PCDHGB2: variants seen among roughly 807,000 people sequenced by gnomAD.
PCDHGB2 encodes the protein protocadherin gamma subfamily B, 2, also known as protocadherin gamma-B2.
A neutral mutation model predicts 59.3 loss-of-function variants in PCDHGB2; 55 were observed. The ratio of observed to expected loss-of-function variants is 0.93; its 90% CI spans 0.75 to 1.16. The LOEUF is 1.16. PCDHGB2 is among the 50% of genes most tolerant of loss of function. PCDHGB2 has a pLI of 0.00. For missense variants in PCDHGB2, 1,228 were observed against 1,198.5 expected (o/e 1.02, Z -0.36); for synonymous variants, 516 against 512.0 (o/e 1.01, Z -0.11).
intron 1 of PCDHGB2, chr5:141,364,524 G>A (rs773568307): frequency 3.1e-6 from 5 of 1,614,056 alleles, no homozygotes; most frequent in Middle Eastern, 1.7e-4. Context: ...CGCGGAGTCC[G>A]CATCGTCTCC....
chr5:141,422,910 C>T (rs756589496), intron 1 of PCDHGB2: 2 of 1,614,252 alleles, frequency 1.2e-6, no homozygotes, highest in South Asian at 1.1e-5. Context: ...ACAATGCGCC[C>T]GAGATCCTGT....
At chr5:141,448,305 A>C (rs910461420) in intron 1 of PCDHGB2, among the ~76,000 whole-genome samples, 1 of 152,092 alleles carries the variant, frequency 6.6e-6, no homozygotes, top group East Asian at 1.9e-4. Context: ...TTAATATCTC[A>C]AGGAATCTTT....
At chr5:141,473,439 A>G (rs2099322281) in intron 1 of PCDHGB2, among the ~76,000 whole-genome samples, 1 of 152,210 alleles carries the variant, frequency 6.6e-6, no homozygotes, top group African/African-American at 2.4e-5. Flanking sequence ...TTGCTTATGC[A>G]AAAATAATTA....
At chr5:141,374,135 A>G (rs564020884) in intron 1 of PCDHGB2, 17 of 1,605,796 alleles carry the variant, frequency 1.1e-5, no homozygotes, top group Non-Finnish European at 1.4e-5. Context: ...CCTGCTCCTC[A>G]CGCTCCTGGG....
chr5:141,486,844 C>T lies in PCDHGB2; in HGVS notation c.2422-7963C>T, dbSNP rs150549306. The T allele has an allele frequency of 1.1e-5, 17 of 1,614,220 alleles. No homozygotes were observed. The highest frequency in any genetic ancestry group is 1.4e-5 in the Non-Finnish European group (16 of 1,180,026). ...TAACAGTTCGTCTATTTGTGCTGGACCTCAATGACAATGCTCCAGCTGTGC... is the reference window on the plus strand; with the variant it reads ...TAACAGTTCGTCTATTTGTGCTGGATCTCAATGACAATGCTCCAGCTGTGC... On this transcript the variant is annotated intron_variant, in intron 1 of 3. Transcript: ENST00000522605. The surrounding 1 kb of genome is among the most constrained non-coding windows in gnomAD (Gnocchi z 5.0).
At position 141,360,076 on chromosome 5, in the gene PCDHGB2, T is replaced by C. The variant is rs890042967; in HGVS notation, c.-60T>C. 6.8e-7 allele frequency: 1 copy of C among 1,480,118 alleles called. No homozygotes were observed. Among genetic ancestry groups the C allele is most frequent in the Non-Finnish European group, 9.0e-7 (1 of 1,114,536 alleles). 91.7% of individuals were successfully genotyped at this position (1,480,118 alleles called of 1,614,324 possible). A position where few individuals can be genotyped will look rare whatever the true frequency, so the allele number is the denominator to read the frequency against. On this transcript the variant is annotated 5_prime_UTR_variant, in exon 1 of 4. Transcript: ENST00000522605. ...GCAGGAAAAGTGACCTTAGCCCGGA[T>C]TCTGCCATCCCCGGAAGGCTTATTC...
At chr5:141,469,893 A>G (rs2099214569) in intron 1 of PCDHGB2, among the ~76,000 whole-genome samples, 1 of 152,200 alleles carries the variant, frequency 6.6e-6, no homozygotes, top group South Asian at 2.1e-4. Context: ...CACTTTGGGA[A>G]GCCGAGGCAG....
At chr5:141,380,721 T>C (rs1228432392) in intron 1 of PCDHGB2, among the ~76,000 whole-genome samples, 3 of 152,238 alleles carry the variant, frequency 2.0e-5, no homozygotes, top group Non-Finnish European at 4.4e-5. Flanking sequence ...TAACTAGCTC[T>C]TATTTCCTTT....
At chr5:141,364,166 C>T (rs1763198104) in intron 1 of PCDHGB2, 4 of 715,060 alleles carry the variant, frequency 5.6e-6, no homozygotes, top group Admixed American at 3.8e-5. Context: ...AGAGGCGACC[C>T]GACTCTGCTC....
intron 2 of PCDHGB2, among the ~76,000 whole-genome samples, chr5:141,498,309 G>A (rs2099783046): frequency 6.6e-6 from 1 of 151,844 alleles, no homozygotes; most frequent in Non-Finnish European, 1.5e-5. Flanking sequence ...GGGTCACACT[G>A]CCTACACAGA....
chr5:141,450,181 C>A (rs2098672863), intron 1 of PCDHGB2, among the ~76,000 whole-genome samples: 1 of 151,572 alleles, frequency 6.6e-6, no homozygotes, highest in African/African-American at 2.4e-5. Flanking sequence ...CCACACCCAG[C>A]TAATTTTTGT....
At chr5:141,403,876 T>A (rs1189942027) in intron 1 of PCDHGB2, 3 of 1,613,702 alleles carry the variant, frequency 1.9e-6, no homozygotes, top group African/African-American at 1.3e-5. Flanking sequence ...AAAGTCTAGA[T>A]TATGAAGAAT....
At chr5:141,480,828 TAAGATC>T (rs1054950452) in intron 1 of PCDHGB2, among the ~76,000 whole-genome samples, 22 of 152,260 alleles carry the variant, frequency 1.4e-4, no homozygotes, top group African/African-American at 5.1e-4. Context: ...GGGTGGATCA[TAAGATC>T]AGGAGTTTGA....
At chr5:141,393,889 A>T (rs771844364) in intron 1 of PCDHGB2, 3 of 1,613,998 alleles carry the variant, frequency 1.9e-6, no homozygotes, top group Admixed American at 3.3e-5. Flanking sequence ...GTGTTAGAAA[A>T]TTCTCTTCCC....
At chr5:141,393,512 G>A in intron 1 of PCDHGB2, 1 of 1,613,996 alleles carries the variant, frequency 6.2e-7, no homozygotes, top group Non-Finnish European at 8.5e-7. Flanking sequence ...TGACAGTGTT[G>A]GATACAAATG....
chr5:141,397,372 G>A (rs1014875277), intron 1 of PCDHGB2, among the ~76,000 whole-genome samples: 3 of 152,012 alleles, frequency 2.0e-5, no homozygotes, highest in Admixed American at 6.6e-5. Context: ...AGATGTTTGG[G>A]GATTGGTATA....
At chr5:141,408,051 C>A in intron 1 of PCDHGB2, 3 of 1,264,368 alleles carry the variant, frequency 2.4e-6, no homozygotes, top group Non-Finnish European at 3.2e-6. Context: ...CCACACAGAG[C>A]CTCCCGGCTG....
rs767337670 is a variant in PCDHGB2 at position 141,433,083 on chromosome 5, A to G, written c.2422-61724A>G. 8.1e-6 allele frequency: 13 copies of G among 1,614,174 alleles called. 1 individual carries two copies. Among genetic ancestry groups the G allele is most frequent in the Non-Finnish European group, 9.3e-6 (11 of 1,180,024 alleles). ...CACCTGATCTTCCCCCAGCCCAACT[A>G]TGCAGACATGCTCGTCAGCCAGGAG... On this transcript the variant is annotated intron_variant, in intron 1 of 3. Coordinates refer to ENST00000522605, the MANE Select transcript of PCDHGB2 (RefSeq NM_018923.3).
At chr5:141,389,089 T>G in intron 1 of PCDHGB2, 1 of 1,613,978 alleles carries the variant, frequency 6.2e-7, no homozygotes, top group East Asian at 2.2e-5. Flanking sequence ...ACGTATAAAT[T>G]AGTGACAGAT....
Sources: allele counts gnomAD v4.1 joint callset (sites outside exome capture counted in the v4.1 genomes callset), GRCh38; gene constraint gnomAD v4.1.1; non-coding constraint Gnocchi (gnomAD v3.1); transcripts MANE v1.5; gene names NCBI Gene and HGNC (gene_info 2026-07-23, HGNC 2026-07-21).